ADGRV1: variants seen among roughly 807,000 people sequenced by gnomAD.
The protein encoded by ADGRV1 is G-protein coupled receptor 98.
A neutral mutation model predicts 596.2 loss-of-function variants in ADGRV1; 359 were observed. The ratio of observed to expected loss-of-function variants is 0.60; its 90% confidence interval spans 0.55 to 0.66. ADGRV1 has a LOEUF of 0.66. Among genes scored for constraint, ADGRV1 ranks in the 30% least tolerant of loss-of-function variants. ADGRV1 has a pLI of 0.00. For synonymous variants in ADGRV1, 2,681 were observed against 2,679.2 expected (o/e 1.00, Z -0.02); for missense variants, 7,274 against 7,575.6 (o/e 0.96, Z 1.48).
chr5:90,905,403 T>C (rs1488045490), intron 83 of ADGRV1, among the ~76,000 whole-genome samples: 2 of 152,024 alleles, frequency 1.3e-5, no homozygotes, highest in Non-Finnish European at 2.9e-5. Flanking sequence ...CCCCCTTCCA[T>C]TTTTTCATCA....
rs536903889 is a variant in ADGRV1, at chr5:91,015,419, A to T, written c.18152+29897A>T. Among the ~76,000 whole-genome samples, 14 of 152,166 alleles carry T rather than the reference A, an allele frequency of 9.2e-5. No homozygotes were observed. The South Asian group carries it at 2.9e-3, about 32-fold the overall frequency. The stretch of plus-strand genomic sequence containing the variant: ...ATCCATTTGGTCCAACTTTGAGTTC[A>T]GGTCCCGAATATCTTTGTTAATTTT... On this transcript the variant is annotated intron_variant, in intron 85 of 89. Coordinates refer to ENST00000405460, the MANE Select transcript of ADGRV1 (RefSeq NM_032119.4).
chr5:90,628,669 T>C lies in ADGRV1; in HGVS notation c.1346T>C (p.Ile449Thr). 1.2e-6 allele frequency: 2 copies of C among 1,614,008 alleles called. No homozygotes were observed. The highest frequency in any genetic ancestry group is 1.7e-6 in the Non-Finnish European group (2 of 1,179,904). ...GATCCCTCACCAGTAACAGCAGATATCAGACCGAGCTCTGGAGTTCTCCAT... is the reference window on the plus strand; with the variant it reads ...GATCCCTCACCAGTAACAGCAGATACCAGACCGAGCTCTGGAGTTCTCCAT... ...STDPSPVTADIRPSSGVLHFA... is the reference protein window; with the variant it reads ...STDPSPVTADTRPSSGVLHFA... The change falls in exon 8 of 90, where the codon ATC becomes ACC. Residue 449 changes from isoleucine to threonine, a missense_variant. Ile to Thr is a moderately conservative substitution (Grantham distance 89). Coordinates refer to ENST00000405460, the MANE Select transcript of ADGRV1 (RefSeq NM_032119.4).
At chr5:90,963,515 A>C (rs10079044) in intron 83 of ADGRV1, among the ~76,000 whole-genome samples, 41,186 of 151,834 alleles carry the variant, frequency 0.27, 5,997 homozygotes, top group Non-Finnish European at 0.33. Context: ...GATTGTCAGG[A>C]AATAATGTTA....
intron 89 of ADGRV1, among the ~76,000 whole-genome samples, chr5:91,153,781 C>G (rs1299772687): frequency 6.6e-6 from 1 of 152,170 alleles, no homozygotes; most frequent in Non-Finnish European, 1.5e-5. Context: ...AGAAACTTTC[C>G]AAGGCAACAT....
At chr5:90,666,008 T>G (rs1174422387) in intron 21 of ADGRV1, among the ~76,000 whole-genome samples, 1 of 151,494 alleles carries the variant, frequency 6.6e-6, no homozygotes, top group African/African-American at 2.4e-5. Flanking sequence ...TTCTTTTACA[T>G]TTGCTGAGGA....
At chr5:90,783,383 C>G (rs1759072106) in intron 66 of ADGRV1, 58 bp downstream of exon 66, 2 of 1,150,160 alleles carry the variant, frequency 1.7e-6, no homozygotes, top group Non-Finnish European at 2.5e-6. Flanking sequence ...TGTTCAAACT[C>G]TTACATATGT....
intron 86 of ADGRV1, among the ~76,000 whole-genome samples, chr5:91,090,439 A>C (rs904868496): frequency 1.1e-4 from 16 of 152,048 alleles, no homozygotes; most frequent in African/African-American, 3.9e-4. Flanking sequence ...AATAAATCAC[A>C]TTCAAAGTAG....
chr5:90,636,839 A>G (rs1766274623), intron 10 of ADGRV1, among the ~76,000 whole-genome samples: 1 of 152,190 alleles, frequency 6.6e-6, no homozygotes, highest in South Asian at 2.1e-4. Context: ...AAAAAATAAA[A>G]CAGGATACTC....
Position 90,825,374 on chromosome 5 carries a change from A to G in ADGRV1, c.16368+1778A>G, listed in dbSNP as rs542448249. ...CTGTTCCTTTCCTATGGAAATTATC[A>G]GTTATATGCAGTGTTACAACTTATG... On this transcript the variant is annotated intron_variant, in intron 76 of 89. Transcript: ENST00000405460. Among the ~76,000 whole-genome samples the G allele has an allele frequency of 6.9e-4, 105 of 152,328 alleles. 1 individual carries two copies. The highest frequency in any genetic ancestry group is 2.5e-3 in the African/African-American group (102 of 41,584).
intron 83 of ADGRV1, among the ~76,000 whole-genome samples, chr5:90,888,375 A>G (rs1279142379): frequency 6.6e-6 from 1 of 152,048 alleles, no homozygotes; most frequent in Non-Finnish European, 1.5e-5. Flanking sequence ...TTGTTTTTGC[A>G]TTTGCATCAT....
intron 87 of ADGRV1, among the ~76,000 whole-genome samples, chr5:91,139,062 C>T (rs906671082): frequency 3.3e-5 from 5 of 152,184 alleles, no homozygotes; most frequent in Non-Finnish European, 7.3e-5. Flanking sequence ...TGAGCCACCG[C>T]GCCCACTGTA....
intron 21 of ADGRV1, among the ~76,000 whole-genome samples, chr5:90,669,957 C>T (rs189776598): frequency 2.6e-5 from 4 of 152,272 alleles, no homozygotes; most frequent in East Asian, 3.9e-4. Flanking sequence ...ATCTACACTC[C>T]CCCTGCTGTC....
intron 27 of ADGRV1, among the ~76,000 whole-genome samples, chr5:90,683,292 C>A (rs959414269): frequency 2.6e-5 from 4 of 151,976 alleles, no homozygotes; most frequent in Non-Finnish European, 5.9e-5. Context: ...CTGACTGCAG[C>A]CTCGAAGTCC....
intron 83 of ADGRV1, among the ~76,000 whole-genome samples, chr5:90,887,489 A>G (rs1770419169): frequency 6.6e-6 from 1 of 152,226 alleles, no homozygotes; most frequent in Admixed American, 6.5e-5. Flanking sequence ...GATACACTCC[A>G]TGAGGGCAAA....
At chr5:90,821,238 A>T (rs1763468447) in intron 75 of ADGRV1, among the ~76,000 whole-genome samples, 1 of 149,966 alleles carries the variant, frequency 6.7e-6, no homozygotes, top group Non-Finnish European at 1.5e-5. Context: ...TTCTTCACGT[A>T]GTTCTCGAGC....
intron 5 of ADGRV1, among the ~76,000 whole-genome samples, chr5:90,624,183 A>G (rs983816500): frequency 4.6e-5 from 7 of 152,204 alleles, no homozygotes; most frequent in Non-Finnish European, 8.8e-5. Context: ...AGAAGACAAT[A>G]ATGCATGAAA....
chr5:90,739,187 G>A (rs568413395), intron 50 of ADGRV1, among the ~76,000 whole-genome samples: 1 of 151,338 alleles, frequency 6.6e-6, no homozygotes, highest in South Asian at 2.1e-4. Context: ...TTCTTATTTT[G>A]TTAATGAATT....
Position 90,784,005 on chromosome 5 carries a change from T to C in ADGRV1, c.13601T>C (p.Met4534Thr). 6 of 1,613,042 alleles carry C rather than the reference T, an allele frequency of 3.7e-6. No homozygotes were observed. Among genetic ancestry groups the C allele is most frequent in the Non-Finnish European group, 5.1e-6 (6 of 1,179,446 alleles). ...KISIANPNST[M>T]ILSLVLERTG... is the part of the protein sequence containing the mutation. Reference sequence around the variant, plus strand: ...TCTATTGCTAATCCCAATTCCACAATGATTTTATCACTGGTGCTGGAGCGG... The same window carrying C: ...TCTATTGCTAATCCCAATTCCACAACGATTTTATCACTGGTGCTGGAGCGG... Residue 4534 changes from methionine to threonine, a missense_variant, in exon 67 of 90, where the codon ATG (methionine) becomes ACG (threonine). Coordinates refer to ENST00000405460, the MANE Select transcript of ADGRV1 (RefSeq NM_032119.4).
chr5:90,940,581 A>G (rs1776092248), intron 83 of ADGRV1, among the ~76,000 whole-genome samples: 2 of 152,220 alleles, frequency 1.3e-5, no homozygotes, highest in Non-Finnish European at 2.9e-5. Context: ...AACCAGGTCA[A>G]TAATAAATTA....
Sources: gnomAD v4.1 joint callset for allele counts (sites outside exome capture counted in the v4.1 genomes callset) on GRCh38, gnomAD v4.1.1 for gene constraint, MANE v1.5 for transcripts, NCBI Gene and HGNC (gene_info 2026-07-23, HGNC 2026-07-21) for gene names.